Variants in ARHGAP26 observed in about 807,000 individuals in gnomAD.
ARHGAP26 encodes Rho GTPase activating protein 26.
ARHGAP26 carries 38 observed loss-of-function variants against 104.8 expected under a neutral mutation model. The ratio of observed to expected loss-of-function variants is 0.36; its 90% CI spans 0.28 to 0.48. The LOEUF is 0.48. ARHGAP26 is among the 20% of genes least tolerant of loss of function. The pLI is 0.99. For missense variants in ARHGAP26, 704 were observed against 947.9 expected (o/e 0.74, Z 3.38); for synonymous variants, 341 against 340.0 (o/e 1.00, Z -0.03).
chr5:142,980,219 A>G (rs1236478779), intron 11 of ARHGAP26, among the ~76,000 whole-genome samples: 2 of 152,138 alleles, frequency 1.3e-5, no homozygotes, highest in African/African-American at 2.4e-5. Flanking sequence ...CCATGTTTCC[A>G]TGTAGCAGTA....
intron 11 of ARHGAP26, among the ~76,000 whole-genome samples, chr5:142,945,516 G>C (rs961335862): frequency 1.3e-5 from 2 of 152,264 alleles, no homozygotes; most frequent in Admixed American, 6.5e-5. Flanking sequence ...TCGCCAGCTG[G>C]TTGCTCATTT....
chr5:143,064,355 GAGCA>G (rs1787173365), intron 17 of ARHGAP26, among the ~76,000 whole-genome samples: 1 of 151,176 alleles, frequency 6.6e-6, no homozygotes, highest in Non-Finnish European at 1.5e-5. Flanking sequence ...TCACATAAAT[GAGCA>G]AGCAGAAATG....
At chr5:143,166,167 A>G in intron 20 of ARHGAP26, 2 of 1,151,156 alleles carry the variant, frequency 1.7e-6, no homozygotes, top group South Asian at 1.6e-5. Context: ...CCCTTCCCCT[A>G]ACTCATCTAG....
chr5:142,990,958 C>T (rs572237415), intron 11 of ARHGAP26, among the ~76,000 whole-genome samples: 10 of 152,158 alleles, frequency 6.6e-5, no homozygotes, highest in East Asian at 1.9e-4. Context: ...TCTCAAACTC[C>T]GTGTTGGGAG....
At chr5:143,085,265 C>T (rs1386163984) in intron 17 of ARHGAP26, among the ~76,000 whole-genome samples, 1 of 152,146 alleles carries the variant, frequency 6.6e-6, no homozygotes, top group East Asian at 1.9e-4. Flanking sequence ...CTTCATAGAA[C>T]ATCCTCTGGT....
At chr5:142,820,094 C>T (rs561775675) in intron 1 of ARHGAP26, among the ~76,000 whole-genome samples, 1 of 152,214 alleles carries the variant, frequency 6.6e-6, no homozygotes, top group Non-Finnish European at 1.5e-5. Context: ...ATTTCCTTCC[C>T]CAGAGATTTT....
At chr5:143,159,390 A>C (rs1259579485) in intron 20 of ARHGAP26, among the ~76,000 whole-genome samples, 1 of 152,264 alleles carries the variant, frequency 6.6e-6, no homozygotes, top group Non-Finnish European at 1.5e-5. Flanking sequence ...CTATCAATAA[A>C]GGACGGCCTA....
chr5:142,987,787 C>T (rs1363064024), intron 11 of ARHGAP26, among the ~76,000 whole-genome samples: 1 of 152,090 alleles, frequency 6.6e-6, no homozygotes, highest in African/African-American at 2.4e-5. Flanking sequence ...TGTTTATATG[C>T]TGGATTACAT....
At chr5:143,023,105 G>A (rs1287821092) in intron 12 of ARHGAP26, among the ~76,000 whole-genome samples, 3 of 152,200 alleles carry the variant, frequency 2.0e-5, no homozygotes, top group African/African-American at 7.2e-5. Flanking sequence ...GACCCTTAGT[G>A]TGGCCCACCA....
intron 6 of ARHGAP26, among the ~76,000 whole-genome samples, chr5:142,898,734 T>TGCAA: frequency 6.6e-6 from 1 of 152,226 alleles, no homozygotes; most frequent in Non-Finnish European, 1.5e-5. Context: ...AAAACCACTG[T>TGCAA]TATCCTCTTG....
At chr5:143,190,959 C>G (rs1805841524) in intron 20 of ARHGAP26, among the ~76,000 whole-genome samples, 1 of 152,212 alleles carries the variant, frequency 6.6e-6, no homozygotes, top group Admixed American at 6.5e-5. Flanking sequence ...TGCAATTCCA[C>G]TTTTGTGAAA....
At chr5:142,944,606 A>G (rs995525311) in intron 11 of ARHGAP26, among the ~76,000 whole-genome samples, 1 of 152,162 alleles carries the variant, frequency 6.6e-6, no homozygotes, top group Non-Finnish European at 1.5e-5. Context: ...GGAAAATTGT[A>G]TCTTGTTTTC....
chr5:142,944,825 A>G (rs1449625762), intron 11 of ARHGAP26, among the ~76,000 whole-genome samples: 3 of 152,134 alleles, frequency 2.0e-5, no homozygotes, highest in Non-Finnish European at 4.4e-5. Flanking sequence ...TCTGCTTCTA[A>G]AAGCCCAAGG....
intron 1 of ARHGAP26, among the ~76,000 whole-genome samples, chr5:142,853,702 A>G (rs1751912904): frequency 6.6e-6 from 1 of 152,192 alleles, no homozygotes; most frequent in African/African-American, 2.4e-5. Flanking sequence ...GTCTATCATG[A>G]TGTTGAAAAT....
intron 17 of ARHGAP26, among the ~76,000 whole-genome samples, chr5:143,118,884 A>G (rs1283199608): frequency 6.6e-6 from 1 of 151,994 alleles, no homozygotes; most frequent in African/African-American, 2.4e-5. Flanking sequence ...GCACATGTAT[A>G]CATATGTAAC....
At chr5:142,813,070 T>C (rs1424851708) in intron 1 of ARHGAP26, among the ~76,000 whole-genome samples, 9 of 152,018 alleles carry the variant, frequency 5.9e-5, no homozygotes, top group Middle Eastern at 3.4e-3. Context: ...CCTGAGTAGC[T>C]GGGACTGTAG....
At chr5:143,130,600 T>C (rs1479528948) in intron 18 of ARHGAP26, among the ~76,000 whole-genome samples, 1 of 152,228 alleles carries the variant, frequency 6.6e-6, no homozygotes, top group Non-Finnish European at 1.5e-5. Context: ...AAACTTCATT[T>C]GATTCTCTTG....
At chr5:143,039,327 C>T (rs1479295495) in intron 13 of ARHGAP26, among the ~76,000 whole-genome samples, 1 of 144,954 alleles carries the variant, frequency 6.9e-6, no homozygotes, top group African/African-American at 2.6e-5. Context: ...CCTACCTCAG[C>T]CTCCTGAGTA....
At chr5:143,105,387 A>AAATG (rs1272132016) in intron 17 of ARHGAP26, among the ~76,000 whole-genome samples, 1 of 142,368 alleles carries the variant, frequency 7.0e-6, no homozygotes, top group African/African-American at 2.8e-5. Context: ...AAAAATAAAT[A>AAATG]AATAAATAAA....
Sources: gnomAD v4.1 joint callset for allele counts (sites outside exome capture counted in the v4.1 genomes callset) on GRCh38, gnomAD v4.1.1 for gene constraint, MANE v1.5 for transcripts, NCBI Gene and HGNC (gene_info 2026-07-23, HGNC 2026-07-21) for gene names.